SCGB2A1: variants seen among roughly 807,000 people sequenced by gnomAD.
SCGB2A1 encodes the protein secretoglobin family 2A member 1, also known as mammaglobin-B.
A neutral mutation model predicts 9.2 loss-of-function variants in SCGB2A1; 6 were observed. The observed-to-expected ratio is 0.66, with a 90% CI of 0.36 to 1.29. The LOEUF (loss-of-function observed/expected upper bound fraction) is 1.29. Ranked by LOEUF, SCGB2A1 falls within the 50% of genes most tolerant of loss-of-function variation. The probability of loss-of-function intolerance (pLI) is 0.03; values close to 1 mark genes in which losing one functional copy is unlikely to be tolerated. For missense variants in SCGB2A1, 138 were observed against 116.9 expected, an observed-to-expected ratio of 1.18 and a Z score of -0.83; for synonymous variants, 37 against 41.0, an observed-to-expected ratio of 0.90 and a Z score of 0.37.
At chr11:62,213,001 T>TAC (rs1565121374) in intron 2 of SCGB2A1, among the ~76,000 whole-genome samples, 12 of 96,750 alleles carry the variant, frequency 1.2e-4, no homozygotes, top group African/African-American at 3.3e-4. Flanking sequence ...TGCATATATG[T>TAC]ACACATATAT....
chr11:62,208,838 C>A (rs1944805307), intron 1 of SCGB2A1, 52 bp downstream of exon 1: 2 of 1,580,782 alleles, frequency 1.3e-6, no homozygotes, highest in South Asian at 1.1e-5. Context: ...GTCACCTGGG[C>A]CCCTGTAGAA....
rs145074819 is a variant in SCGB2A1, at chr11:62,210,429, C to T, written c.72C>T (p.Leu24=). Residue 24 remains leucine (L), a synonymous_variant, in exon 2 of 3, where the codon CTC becomes CTT. Coordinates refer to ENST00000244930, the MANE Select transcript of SCGB2A1 (RefSeq NM_002407.3). The part of the protein sequence containing the change: ...LHCYADSGCK[L]LEDMVEKTIN... Reference sequence around the variant, plus strand: ...TTTTTCCAGATTCTGGCTGCAAACTCCTGGAGGACATGGTTGAAAAGACCA... The same window carrying T: ...TTTTTCCAGATTCTGGCTGCAAACTTCTGGAGGACATGGTTGAAAAGACCA... 6.8e-7 allele frequency: 1 copy of T among 1,461,218 alleles called. No homozygotes were observed. The allele number at this position is 1,461,218 out of a possible 1,614,324, so 90.5% of individuals were successfully genotyped here.
chr11:62,213,705 T>A (rs186048685), intron 2 of SCGB2A1, 21 bp from the exon 3 acceptor site: 1 of 1,604,302 alleles, frequency 6.2e-7, no homozygotes, highest in Non-Finnish European at 8.5e-7. Flanking sequence ...CAAACCTAAG[T>A]GACCTGCTTT....
chr11:62,212,973 T>TGTGCACAC (rs1944844083), intron 2 of SCGB2A1, among the ~76,000 whole-genome samples: 2 of 138,760 alleles, frequency 1.4e-5, no homozygotes, highest in African/African-American at 5.3e-5. Flanking sequence ...TATGTACACA[T>TGTGCACAC]ATATGTGCAC....
At chr11:62,208,858 A>G (rs758697957) in intron 1 of SCGB2A1, 72 bp downstream of exon 1, 1 of 1,476,090 alleles carries the variant, frequency 6.8e-7, no homozygotes, top group East Asian at 2.3e-5. Context: ...AGAACTCCCA[A>G]CCTCTAATCC....
At chr11:62,213,031 C>CGTGCGCACATATGT (rs1565121459) in intron 2 of SCGB2A1, among the ~76,000 whole-genome samples, 1 of 70,970 alleles carries the variant, frequency 1.4e-5, no homozygotes, top group African/African-American at 5.9e-5. Flanking sequence ...TACATATATA[C>CGTGCGCACATATGT]ACACATATAT....
At chr11:62,213,520 C>T in intron 2 of SCGB2A1, 1 of 523,294 alleles carries the variant, frequency 1.9e-6, no homozygotes, top group Non-Finnish European at 3.4e-6. Context: ...GGAAGAGATC[C>T]TACAACCCTG....
chr11:62,211,834 C>T (rs925198789), intron 2 of SCGB2A1, among the ~76,000 whole-genome samples: 1 of 152,148 alleles, frequency 6.6e-6, no homozygotes, highest in East Asian at 1.9e-4. Context: ...AGCACGAGTG[C>T]TAGAATTGTT....
intron 2 of SCGB2A1, among the ~76,000 whole-genome samples, chr11:62,212,298 A>G (rs1347270827): frequency 6.6e-6 from 1 of 152,114 alleles, no homozygotes; most frequent in Non-Finnish European, 1.5e-5. Flanking sequence ...GATAAAAATA[A>G]ATATTAACTG....
At chr11:62,210,819 T>A (rs1419288227) in intron 2 of SCGB2A1, among the ~76,000 whole-genome samples, 1 of 151,786 alleles carries the variant, frequency 6.6e-6, no homozygotes, top group Non-Finnish European at 1.5e-5. Context: ...GCCTTAGAGA[T>A]CACCCGTCTA....
intron 2 of SCGB2A1, among the ~76,000 whole-genome samples, chr11:62,213,149 C>G (rs1179575563): frequency 7.3e-6 from 1 of 137,276 alleles, no homozygotes; most frequent in African/African-American, 2.7e-5. Context: ...ATTGTCCAGG[C>G]TGGTTTAAAC....
At position 62,213,764 on chromosome 11, in the gene SCGB2A1, T is replaced by A. The variant is rs146791943; in HGVS notation, c.282T>A (p.Ser94Arg). Reference sequence around the variant, plus strand: ...ACAGCATTTGGTGTAATATGAAGAGTAATTAACTTTACCCAAGGCGTTTGG... The same window carrying A: ...ACAGCATTTGGTGTAATATGAAGAGAAATTAACTTTACCCAAGGCGTTTGG... Reference protein sequence around the residue: ...VYDSIWCNMKSN With the variant: ...VYDSIWCNMKRN Residue 94 changes from serine to arginine, a missense_variant, in exon 3 of 3, where the codon AGT becomes AGA. Transcript: ENST00000244930. 5.6e-6 allele frequency: 9 copies of A among 1,613,780 alleles called. No individual in the cohort carries two copies. The highest frequency in any genetic ancestry group is 1.3e-5 in the African/African-American group (1 of 75,016).
At chr11:62,210,234 G>A (rs1944817709) in intron 1 of SCGB2A1, among the ~76,000 whole-genome samples, 179 bp from the exon 2 acceptor site, 3 of 152,250 alleles carry the variant, frequency 2.0e-5, no homozygotes, top group African/African-American at 7.2e-5. Context: ...AATTTGCAGA[G>A]CCTGAGTTTA....
chr11:62,213,021 TACATATATAC>T (rs199628377), intron 2 of SCGB2A1, among the ~76,000 whole-genome samples: 2,014 of 66,930 alleles, frequency 0.03, 77 homozygotes, highest in African/African-American at 0.078. Flanking sequence ...TGCACATATA[TACATATATAC>T]ACACATATAT....
At chr11:62,210,944 A>G (rs898864887) in intron 2 of SCGB2A1, among the ~76,000 whole-genome samples, 1 of 142,842 alleles carries the variant, frequency 7.0e-6, no homozygotes, top group Non-Finnish European at 1.5e-5. Flanking sequence ...TTTTTTTGAG[A>G]CGGAGTTTCG....
In SCGB2A1 at chr11:62,210,405, T is replaced by C; in HGVS notation, c.56-8T>C. ...TTGTGTCTTTTTTTTTTTTTTTTTT[T>C]TTTCCAGATTCTGGCTGCAAACTCC... On this transcript the variant is annotated splice_region_variant and splice_polypyrimidine_tract_variant and intron_variant, in intron 1 of 2. Transcript: ENST00000244930. 1.4e-6 allele frequency: 2 copies of C among 1,453,270 alleles called. No homozygotes were observed. The highest frequency in any genetic ancestry group is 1.8e-6 in the Non-Finnish European group (2 of 1,108,680). 90.0% of individuals were successfully genotyped at this position (1,453,270 alleles called of 1,614,324 possible).
At chr11:62,213,187 T>C (rs1005766912) in intron 2 of SCGB2A1, among the ~76,000 whole-genome samples, 4 of 150,458 alleles carry the variant, frequency 2.7e-5, no homozygotes, top group Admixed American at 2.0e-4. Context: ...CTGCCCTCCT[T>C]GGCTTCCCAA....
Position 62,213,106 on chromosome 11 carries a change from A to ATTTT in SCGB2A1, c.244-612_244-609dup, listed in dbSNP as rs1554985926. Among the ~76,000 whole-genome samples, 1,088 of 116,206 alleles carry ATTTT rather than the reference A, an allele frequency of 9.4e-3. 68 individuals are homozygous for ATTTT. The highest frequency in any genetic ancestry group is 0.031 in the African/African-American group (915 of 29,056). 76.2% of individuals were successfully genotyped at this position (116,206 alleles called of 152,430 possible). On this transcript the variant is annotated intron_variant, in intron 2 of 2. Transcript: ENST00000244930. ...CATATATACACATATATATATATAT[A>ATTTT]TTTTTTTTTTTGTAGAGATGGCATT...
intron 2 of SCGB2A1, among the ~76,000 whole-genome samples, chr11:62,213,128 C>G (rs1944852690): frequency 9.4e-6 from 1 of 106,240 alleles, no homozygotes; most frequent in African/African-American, 3.6e-5. Context: ...GTAGAGATGG[C>G]ATTTTGTCAT....
Sources: gnomAD v4.1 joint callset for allele counts (sites outside exome capture counted in the v4.1 genomes callset) on GRCh38, gnomAD v4.1.1 for gene constraint, MANE v1.5 for transcripts, NCBI Gene and HGNC (gene_info 2026-07-23, HGNC 2026-07-21) for gene names.